Variants in ANKRD17 observed in about 807,000 individuals in gnomAD.
ANKRD17 encodes ankyrin repeat domain-containing protein 17.
Under a neutral mutation model 229.7 loss-of-function variants are expected in ANKRD17, and 19 were observed. That is an observed-to-expected ratio of 0.08 (90% CI 0.06 to 0.12). ANKRD17 has a LOEUF of 0.12. ANKRD17 is among the 10% of genes least tolerant of loss of function. ANKRD17 has a pLI of 1.00. For synonymous variants in ANKRD17, 1,112 were observed against 1,146.1 expected, an observed-to-expected ratio of 0.97 and a Z score of 0.60; for missense variants, 2,176 against 3,176.8, an observed-to-expected ratio of 0.68 and a Z score of 7.57.
At chr4:73,171,480 T>C (rs1407798743) in intron 2 of ANKRD17, among the ~76,000 whole-genome samples, 1 of 152,084 alleles carries the variant, frequency 6.6e-6, no homozygotes, top group East Asian at 1.9e-4. Flanking sequence ...AAGACTATAA[T>C]AAATACCTAA....
At chr4:73,125,626 C>T (rs770195899) in intron 16 of ANKRD17, among the ~76,000 whole-genome samples, 2 of 151,064 alleles carry the variant, frequency 1.3e-5, no homozygotes, top group African/African-American at 2.4e-5. Flanking sequence ...CCAGCTTCTT[C>T]GGAGGCTGAG....
At chr4:73,180,559 T>C (rs1234765296) in intron 1 of ANKRD17, among the ~76,000 whole-genome samples, 1 of 152,208 alleles carries the variant, frequency 6.6e-6, no homozygotes, top group Admixed American at 6.5e-5. Context: ...GTTCTTATGT[T>C]ATTCTTAGGC....
chr4:73,127,776 C>T (rs993472678), intron 16 of ANKRD17, among the ~76,000 whole-genome samples: 1 of 152,140 alleles, frequency 6.6e-6, no homozygotes, highest in Admixed American at 6.5e-5. Context: ...ATTACATTTA[C>T]ACATTGTATT....
At chr4:73,082,681 A>G (rs1000475560) in intron 30 of ANKRD17, among the ~76,000 whole-genome samples, 3 of 152,208 alleles carry the variant, frequency 2.0e-5, no homozygotes, top group Non-Finnish European at 4.4e-5. Flanking sequence ...TAAAAATAAA[A>G]GGCATTCTAG....
chr4:73,252,042 G>A (rs1578530113), intron 1 of ANKRD17, among the ~76,000 whole-genome samples: 1 of 152,196 alleles, frequency 6.6e-6, no homozygotes, highest in East Asian at 1.9e-4. Flanking sequence ...ACCAAGTTCT[G>A]TTACCTCAAG....
chr4:73,121,879 C>T (rs1578114710), intron 18 of ANKRD17, 120 bp from the exon 19 acceptor site: 1 of 995,942 alleles, frequency 1.0e-6, no homozygotes, highest in East Asian at 2.8e-5. Flanking sequence ...GTTCTTCCTT[C>T]ATGCTCTGCA....
chr4:73,094,384 G>C (rs1723081652), intron 27 of ANKRD17, among the ~76,000 whole-genome samples, 156 bp from the exon 28 acceptor site: 1 of 152,188 alleles, frequency 6.6e-6, no homozygotes, highest in African/African-American at 2.4e-5. Flanking sequence ...GATGAACAGA[G>C]AAAAGGCAAT....
intron 15 of ANKRD17, among the ~76,000 whole-genome samples, chr4:73,139,047 GT>G (rs71215490): frequency 0.36 from 52,945 of 148,266 alleles, 9,910 homozygotes; most frequent in South Asian, 0.49. Flanking sequence ...TTGTAAAAGT[GT>G]TTTTTTTTTT....
At chr4:73,166,978 CTT>C (rs1341682178) in intron 2 of ANKRD17, among the ~76,000 whole-genome samples, 1 of 151,830 alleles carries the variant, frequency 6.6e-6, no homozygotes, top group South Asian at 2.1e-4. Context: ...TAAGGAATTA[CTT>C]TTTTTTCCTT....
intron 1 of ANKRD17, among the ~76,000 whole-genome samples, chr4:73,187,211 A>G (rs1473298551): frequency 6.6e-6 from 1 of 152,340 alleles, no homozygotes; most frequent in East Asian, 1.9e-4. Flanking sequence ...TTTTTTAGGT[A>G]TGTAAACACT....
chr4:73,180,890 A>G (rs1368842717), intron 1 of ANKRD17, among the ~76,000 whole-genome samples: 1 of 152,214 alleles, frequency 6.6e-6, no homozygotes, highest in Non-Finnish European at 1.5e-5. Flanking sequence ...GATTTATCAC[A>G]CATGAATATT....
intron 1 of ANKRD17, among the ~76,000 whole-genome samples, chr4:73,230,205 T>C (rs1214516170): frequency 6.6e-6 from 1 of 152,098 alleles, no homozygotes; most frequent in Non-Finnish European, 1.5e-5. Flanking sequence ...AAGTTAAAGA[T>C]ACATAAAATT....
At chr4:73,120,786 C>A in intron 20 of ANKRD17, 95 bp downstream of exon 20, 1 of 1,057,420 alleles carries the variant, frequency 9.5e-7, no homozygotes, top group Non-Finnish European at 1.3e-6. Flanking sequence ...ATAAATGTTA[C>A]TAGAAAGAAC....
At chr4:73,084,697 C>T (rs536430831) in intron 30 of ANKRD17, among the ~76,000 whole-genome samples, 1 of 152,220 alleles carries the variant, frequency 6.6e-6, no homozygotes, top group Non-Finnish European at 1.5e-5. Context: ...GATCCACCCG[C>T]CTTGGCCTAC....
intron 2 of ANKRD17, among the ~76,000 whole-genome samples, chr4:73,163,992 A>G (rs1376355857): frequency 1.3e-5 from 2 of 152,342 alleles, no homozygotes; most frequent in South Asian, 2.1e-4. Context: ...GTTAAGATGT[A>G]TAAAGAATAA....
chr4:73,184,531 A>G lies in ANKRD17; in HGVS notation c.394-6998T>C, dbSNP rs1299107482. On this transcript the variant is annotated intron_variant, in intron 1 of 33. Transcript: ENST00000358602. ...GGACAAGAGCTAGACTTCCTCTCAA[A>G]AAAAAAAAAAAAAAAAAAAAAAGAA... is the stretch of plus-strand genomic sequence containing the variant. Among the ~76,000 whole-genome samples, 10 of 145,970 alleles carry G rather than the reference A, an allele frequency of 6.9e-5. No individual in the cohort carries two copies. In the South Asian group the frequency reaches 1.9e-3, roughly 28 times the overall value.
At chr4:73,108,904 A>AG (rs1724964602) in intron 24 of ANKRD17, among the ~76,000 whole-genome samples, 2 of 152,118 alleles carry the variant, frequency 1.3e-5, no homozygotes, top group Non-Finnish European at 1.5e-5. Flanking sequence ...GATTCAAGAG[A>AG]GGGAAAAAAA....
At chr4:73,100,928 A>G in intron 25 of ANKRD17, 1 of 985,434 alleles carries the variant, frequency 1.0e-6, no homozygotes, top group Non-Finnish European at 1.2e-6. Context: ...AGTCCTCTTT[A>G]TCCATAGATT....
intron 20 of ANKRD17, 27 bp from the exon 21 acceptor site, chr4:73,120,364 A>G: frequency 6.2e-7 from 1 of 1,605,520 alleles, no homozygotes; most frequent in Non-Finnish European, 8.5e-7. Context: ...ATTAAAAGTA[A>G]TGACACGTAA....
Sources: gnomAD v4.1 joint callset for allele counts (sites outside exome capture counted in the v4.1 genomes callset) on GRCh38, gnomAD v4.1.1 for gene constraint, MANE v1.5 for transcripts, NCBI Gene and HGNC (gene_info 2026-07-23, HGNC 2026-07-21) for gene names.